CLMP: variants seen among roughly 807,000 people sequenced by gnomAD.
CLMP encodes the protein CXADR like cell adhesion molecule.
In CLMP, 27 loss-of-function variants were observed where a neutral mutation model predicts 45.2. That is an observed-to-expected ratio of 0.60 (90% CI 0.44 to 0.82). The LOEUF (loss-of-function observed/expected upper bound fraction) is 0.82, where lower values mean the gene tolerates loss of function less well. CLMP is among the 40% of genes least tolerant of loss of function. CLMP has a pLI of 0.00. For missense variants in CLMP, 403 were observed against 448.4 expected (o/e 0.90, Z 0.91); for synonymous variants, 167 against 171.4 (o/e 0.97, Z 0.20).
chr11:123,119,790 G>A (rs1258532905), intron 1 of CLMP, among the ~76,000 whole-genome samples: 4 of 151,884 alleles, frequency 2.6e-5, no homozygotes, highest in African/African-American at 7.3e-5. Flanking sequence ...GGATTCAAGC[G>A]ATTCTCCTGT....
chr11:123,129,451 T>C (rs1458631522), intron 1 of CLMP, among the ~76,000 whole-genome samples: 4 of 141,144 alleles, frequency 2.8e-5, no homozygotes, highest in East Asian at 2.0e-4. Context: ...TGATATATTA[T>C]ATAAAATATA....
intron 1 of CLMP, among the ~76,000 whole-genome samples, chr11:123,174,069 G>T (rs1183424329): frequency 1.3e-5 from 2 of 151,968 alleles, no homozygotes; most frequent in African/African-American, 4.8e-5. Flanking sequence ...GGCAACAGGT[G>T]GGACCCTGTT....
chr11:123,146,847 A>G (rs1861245818), intron 1 of CLMP, among the ~76,000 whole-genome samples: 1 of 152,130 alleles, frequency 6.6e-6, no homozygotes, highest in Non-Finnish European at 1.5e-5. Context: ...AGGTCTCACA[A>G]GCACCTCAAA....
intron 1 of CLMP, chr11:123,135,846 A>C (rs1467275509): frequency 2.4e-6 from 1 of 420,440 alleles, no homozygotes; most frequent in Non-Finnish European, 4.8e-6. Context: ...GGCAGCATGT[A>C]CTGTTGAAAG....
intron 1 of CLMP, chr11:123,136,242 C>A (rs1861068874): frequency 1.5e-6 from 1 of 650,972 alleles, no homozygotes; most frequent in South Asian, 1.4e-5. Flanking sequence ...GTAGCTACTG[C>A]GTATTTTTCC....
chr11:123,096,960 T>G (rs1322796168), intron 2 of CLMP, among the ~76,000 whole-genome samples: 1 of 151,918 alleles, frequency 6.6e-6, no homozygotes, highest in Non-Finnish European at 1.5e-5. Flanking sequence ...GCGATCCTCC[T>G]GCTTCAGCCT....
chr11:123,142,266 G>A (rs1285865856), intron 1 of CLMP, among the ~76,000 whole-genome samples: 5 of 152,092 alleles, frequency 3.3e-5, no homozygotes, highest in Admixed American at 1.3e-4. Context: ...CATTACAGGC[G>A]TAAGTCACTG....
chr11:123,191,236 C>G (rs1861903224), intron 1 of CLMP, among the ~76,000 whole-genome samples: 1 of 152,190 alleles, frequency 6.6e-6, no homozygotes, highest in Non-Finnish European at 1.5e-5. Context: ...TCCATCATCA[C>G]TAGATGCATT....
At chr11:123,119,922 G>A (rs1860789656) in intron 1 of CLMP, among the ~76,000 whole-genome samples, 1 of 152,074 alleles carries the variant, frequency 6.6e-6, no homozygotes, top group African/African-American at 2.4e-5. Context: ...CCTGACCTCA[G>A]GTGATCCACC....
intron 1 of CLMP, among the ~76,000 whole-genome samples, chr11:123,147,174 A>G (rs1381392787): frequency 3.9e-5 from 6 of 152,172 alleles, no homozygotes; most frequent in Admixed American, 2.0e-4. Context: ...GTACGGTAGA[A>G]AGACCCTTGG....
At chr11:123,100,704 T>C (rs1565382189) in intron 1 of CLMP, among the ~76,000 whole-genome samples, 1 of 152,188 alleles carries the variant, frequency 6.6e-6, no homozygotes, top group Non-Finnish European at 1.5e-5. Context: ...TCATTTCTCT[T>C]GTGCCTCTAA....
rs183642637 is a variant in CLMP at position 123,144,403 on chromosome 11, C to G, written c.29-46451G>C. On this transcript the variant is annotated intron_variant, in intron 1 of 6. Coordinates refer to ENST00000448775, the MANE Select transcript of CLMP (RefSeq NM_024769.5). Reference sequence around the variant, plus strand: ...AATATTTTTTTGAGACCGACTTTCGCTCTTGTTGCCCAGGCTAGAGTGCAA... The same window carrying G: ...AATATTTTTTTGAGACCGACTTTCGGTCTTGTTGCCCAGGCTAGAGTGCAA... Among the ~76,000 whole-genome samples, 4 of 152,274 alleles carry G rather than the reference C, an allele frequency of 2.6e-5. No homozygotes were observed. The East Asian group carries it at 7.7e-4, about 29-fold the overall frequency.
At chr11:123,126,640 G>A (rs974659919) in intron 1 of CLMP, among the ~76,000 whole-genome samples, 2 of 152,180 alleles carry the variant, frequency 1.3e-5, no homozygotes, top group Non-Finnish European at 2.9e-5. Flanking sequence ...GCTCACGCCT[G>A]TAATCCCAGC....
chr11:123,126,307 T>C (rs1860894675), intron 1 of CLMP, among the ~76,000 whole-genome samples: 1 of 152,214 alleles, frequency 6.6e-6, no homozygotes, highest in African/African-American at 2.4e-5. Flanking sequence ...AGGCCCTCAA[T>C]GGATGTAAGC....
At chr11:123,105,465 C>G (rs1331285282) in intron 1 of CLMP, among the ~76,000 whole-genome samples, 14 of 148,744 alleles carry the variant, frequency 9.4e-5, no homozygotes, top group Admixed American at 8.2e-4. Context: ...GAGTCTTGCT[C>G]TGTCGCCCAG....
intron 1 of CLMP, among the ~76,000 whole-genome samples, chr11:123,100,746 C>T (rs1866046956): frequency 6.6e-6 from 1 of 152,132 alleles, no homozygotes; most frequent in South Asian, 2.1e-4. Flanking sequence ...CTGTTCCATC[C>T]ATTGTGCCTG....
chr11:123,149,885 C>G (rs1364732953), intron 1 of CLMP, among the ~76,000 whole-genome samples: 2 of 151,600 alleles, frequency 1.3e-5, no homozygotes, highest in Non-Finnish European at 2.9e-5. Context: ...AATCTCACCT[C>G]ACTGCAACCT....
At chr11:123,074,173 C>CTTTTTTTTTTTT (rs113482011) in intron 6 of CLMP, among the ~76,000 whole-genome samples, 1 of 130,682 alleles carries the variant, frequency 7.7e-6, no homozygotes, top group East Asian at 2.3e-4. Flanking sequence ...TATGTACATA[C>CTTTTTTTTTTTT]TTTTTTTTTT....
intron 1 of CLMP, among the ~76,000 whole-genome samples, chr11:123,173,335 C>T (rs1302682821): frequency 6.6e-6 from 1 of 152,162 alleles, no homozygotes; most frequent in Non-Finnish European, 1.5e-5. Context: ...TCCTGTTATT[C>T]CAAAAGTATT....
Sources: gnomAD v4.1 joint callset for allele counts (sites outside exome capture counted in the v4.1 genomes callset) on GRCh38, gnomAD v4.1.1 for gene constraint, MANE v1.5 for transcripts, NCBI Gene and HGNC (gene_info 2026-07-23, HGNC 2026-07-21) for gene names.